Variants in CRACD observed in about 807,000 individuals in gnomAD.
CRACD encodes the protein capping protein-inhibiting regulator of actin dynamics.
CRACD carries 56 observed loss-of-function variants against 106.8 expected under a neutral mutation model. The ratio of observed to expected loss-of-function variants is 0.52; its 90% confidence interval spans 0.42 to 0.66. The LOEUF (loss-of-function observed/expected upper bound fraction) is 0.66. Ranked by LOEUF, CRACD falls within the 30% of genes least tolerant of loss-of-function variation. The pLI is 0.00. For missense variants in CRACD, 1,730 were observed against 1,623.2 expected, an observed-to-expected ratio of 1.07 and a Z score of -1.13; for synonymous variants, 754 against 670.8, an observed-to-expected ratio of 1.12 and a Z score of -1.92.
At chr4:56,059,779 G>A (rs1488536884) in intron 1 of CRACD, among the ~76,000 whole-genome samples, 1 of 152,170 alleles carries the variant, frequency 6.6e-6, no homozygotes, top group East Asian at 1.9e-4. Context: ...CACCTCCCAG[G>A]TTCAAGCGAT....
intron 2 of CRACD, among the ~76,000 whole-genome samples, chr4:56,240,929 G>A (rs923486022): frequency 7.9e-5 from 12 of 152,128 alleles, no homozygotes; most frequent in Non-Finnish European, 1.3e-4. Flanking sequence ...AAGTCCATCC[G>A]CACACCCACC....
chr4:56,110,835 G>T (rs1349008264), intron 1 of CRACD, among the ~76,000 whole-genome samples: 1 of 152,156 alleles, frequency 6.6e-6, no homozygotes, highest in East Asian at 1.9e-4. Flanking sequence ...GACCTCAAGT[G>T]ATCCACCTGC....
At chr4:56,238,867 T>G (rs1432919050) in intron 2 of CRACD, among the ~76,000 whole-genome samples, 1 of 152,208 alleles carries the variant, frequency 6.6e-6, no homozygotes, top group Non-Finnish European at 1.5e-5. Context: ...AGCTGCCTGT[T>G]TACATCCTTC....
intron 2 of CRACD, among the ~76,000 whole-genome samples, chr4:56,251,976 T>C (rs564326580): frequency 6.6e-6 from 1 of 152,348 alleles, no homozygotes; most frequent in Admixed American, 6.5e-5. Context: ...ATGCATAAAG[T>C]TGTGTATATA....
intron 1 of CRACD, among the ~76,000 whole-genome samples, chr4:56,145,618 AT>A (rs937635881): frequency 9.3e-5 from 14 of 150,736 alleles, no homozygotes; most frequent in African/African-American, 3.4e-4. Flanking sequence ...TTTTCTTTTC[AT>A]TTTTTTCTTT....
chr4:56,289,407 C>T (rs968536360), intron 3 of CRACD, among the ~76,000 whole-genome samples: 1 of 152,102 alleles, frequency 6.6e-6, no homozygotes. Flanking sequence ...CATGGCGGTT[C>T]ACACCTGTAA....
chr4:56,240,440 G>T (rs1472471448), intron 2 of CRACD, among the ~76,000 whole-genome samples: 4 of 152,020 alleles, frequency 2.6e-5, no homozygotes, highest in Admixed American at 1.3e-4. Context: ...GCATTAGGAG[G>T]GCATCACAAT....
intron 2 of CRACD, among the ~76,000 whole-genome samples, chr4:56,243,781 A>T (rs1263887637): frequency 6.6e-6 from 1 of 152,180 alleles, no homozygotes; most frequent in Non-Finnish European, 1.5e-5. Context: ...AAACAATCCA[A>T]TTACACTCTT....
intron 4 of CRACD, among the ~76,000 whole-genome samples, chr4:56,300,721 T>A (rs1744320672): frequency 6.6e-6 from 1 of 152,224 alleles, no homozygotes; most frequent in Non-Finnish European, 1.5e-5. Context: ...AAATCTCTTG[T>A]CTTCAATGAT....
chr4:56,227,050 T>C (rs548964127), intron 2 of CRACD, among the ~76,000 whole-genome samples: 65 of 152,206 alleles, frequency 4.3e-4, no homozygotes, highest in Admixed American at 1.0e-3. Context: ...TGCAGATCTG[T>C]GAGCCAAATA....
intron 2 of CRACD, among the ~76,000 whole-genome samples, chr4:56,230,850 A>G (rs1739577218): frequency 1.3e-5 from 2 of 152,230 alleles, no homozygotes; most frequent in East Asian, 3.8e-4. Context: ...AACAACATAA[A>G]TAAGTTTGTG....
At chr4:56,295,391 C>T (rs1248573694) in intron 3 of CRACD, among the ~76,000 whole-genome samples, 1 of 151,990 alleles carries the variant, frequency 6.6e-6, no homozygotes, top group Admixed American at 6.6e-5. Flanking sequence ...ATTATAATTA[C>T]TACTACTGCT....
At chr4:56,253,033 T>C (rs1367105262) in intron 2 of CRACD, among the ~76,000 whole-genome samples, 2 of 152,144 alleles carry the variant, frequency 1.3e-5, no homozygotes, top group Non-Finnish European at 2.9e-5. Context: ...AGCAGTGGGA[T>C]GACAGGGGTT....
chr4:56,091,953 C>T (rs772191428), intron 1 of CRACD, among the ~76,000 whole-genome samples: 47 of 152,178 alleles, frequency 3.1e-4, no homozygotes, highest in East Asian at 1.9e-4. Flanking sequence ...GAGGCTGACA[C>T]GGGAGACTCG....
At chr4:56,289,812 T>C (rs1442585914) in intron 3 of CRACD, among the ~76,000 whole-genome samples, 1 of 152,204 alleles carries the variant, frequency 6.6e-6, no homozygotes, top group Admixed American at 6.5e-5. Context: ...ACCATTCATA[T>C]AATGTCATTT....
At chr4:56,129,402 C>G (rs1409430977) in intron 1 of CRACD, among the ~76,000 whole-genome samples, 1 of 152,210 alleles carries the variant, frequency 6.6e-6, no homozygotes, top group African/African-American at 2.4e-5. Context: ...GTGATTGATT[C>G]TGAGAACACA....
intron 3 of CRACD, among the ~76,000 whole-genome samples, chr4:56,296,364 TATA>T (rs1478577730): frequency 6.6e-6 from 1 of 152,184 alleles, no homozygotes; most frequent in Non-Finnish European, 1.5e-5. Context: ...GGTTGATGTT[TATA>T]ATAATTATTA....
At chr4:56,133,443 TC>T (rs1175225726) in intron 1 of CRACD, among the ~76,000 whole-genome samples, 1 of 152,188 alleles carries the variant, frequency 6.6e-6, no homozygotes, top group African/African-American at 2.4e-5. Flanking sequence ...TATCACTGTC[TC>T]CCATCAATCA....
chr4:56,076,029 C>T (rs753913489), intron 1 of CRACD, among the ~76,000 whole-genome samples: 11 of 152,106 alleles, frequency 7.2e-5, no homozygotes, highest in Non-Finnish European at 1.2e-4. Context: ...CCTTCAAATT[C>T]GTATGTTGAA....
Sources: allele counts gnomAD v4.1 joint callset (sites outside exome capture counted in the v4.1 genomes callset), GRCh38; gene constraint gnomAD v4.1.1; transcripts MANE v1.5; gene names NCBI Gene and HGNC (gene_info 2026-07-23, HGNC 2026-07-21).